SVOP: variants seen among roughly 807,000 people sequenced by gnomAD.
SVOP encodes synaptic vesicle 2-related protein.
Under a neutral mutation model 69.1 loss-of-function variants are expected in SVOP, and 17 were observed. The observed-to-expected ratio is 0.25, with a 90% CI of 0.17 to 0.37. The LOEUF is 0.37. SVOP is among the 10% of genes least tolerant of loss of function. The pLI, the probability that SVOP is intolerant of heterozygous loss-of-function variation, is 1.00. For synonymous variants in SVOP, 238 were observed against 238.6 expected (o/e 1.00, Z 0.02); for missense variants, 435 against 597.5 (o/e 0.73, Z 2.84).
intron 6 of SVOP, among the ~76,000 whole-genome samples, chr12:108,960,014 A>T (rs1423653330): frequency 6.6e-6 from 1 of 152,208 alleles, no homozygotes; most frequent in East Asian, 1.9e-4. Context: ...TGAGAGATTA[A>T]AGGAGATCAT....
At chr12:108,993,390 A>AG (rs2040214102) in intron 1 of SVOP, among the ~76,000 whole-genome samples, 1 of 151,330 alleles carries the variant, frequency 6.6e-6, no homozygotes, top group Admixed American at 6.6e-5. Context: ...AAAAAAAAAA[A>AG]AAAGAAAAGA....
chr12:108,971,190 A>G (rs1443689598), intron 5 of SVOP, among the ~76,000 whole-genome samples: 2 of 152,116 alleles, frequency 1.3e-5, no homozygotes, highest in Non-Finnish European at 1.5e-5. Flanking sequence ...GCACTTTGGG[A>G]GGCCATGGCC....
At chr12:108,931,599 C>T (rs553431116) in intron 11 of SVOP, among the ~76,000 whole-genome samples, 105 of 152,056 alleles carry the variant, frequency 6.9e-4, no homozygotes, top group Non-Finnish European at 1.0e-3. Flanking sequence ...CTCGGGAGGC[C>T]GAGGTGGGTG....
At chr12:108,985,002 G>C (rs1378399114) in intron 1 of SVOP, among the ~76,000 whole-genome samples, 1 of 152,180 alleles carries the variant, frequency 6.6e-6, no homozygotes, top group Non-Finnish European at 1.5e-5. Context: ...TGAGGAGGGA[G>C]GATTGCTTGG....
intron 2 of SVOP, among the ~76,000 whole-genome samples, chr12:108,982,803 CCATCAT>C (rs1302441449): frequency 7.8e-6 from 1 of 128,062 alleles, no homozygotes; most frequent in Non-Finnish European, 1.7e-5. Context: ...ATCATCATCA[CCATCAT>C]CATCATCACC....
At chr12:109,016,362 G>T (rs2040367487) in intron 1 of SVOP, among the ~76,000 whole-genome samples, 1 of 152,138 alleles carries the variant, frequency 6.6e-6, no homozygotes, top group Non-Finnish European at 1.5e-5. Context: ...TATTAAAATG[G>T]TGGACCCAAA....
At chr12:108,983,425 A>T (rs2040152761) in intron 2 of SVOP, among the ~76,000 whole-genome samples, 176 bp downstream of exon 2, 1 of 152,180 alleles carries the variant, frequency 6.6e-6, no homozygotes, top group African/African-American at 2.4e-5. Flanking sequence ...AGGGATTGTG[A>T]TGTAACCTTG....
At chr12:108,995,989 CACAT>C (rs747679213) in intron 1 of SVOP, among the ~76,000 whole-genome samples, 69 of 151,820 alleles carry the variant, frequency 4.5e-4, no homozygotes, top group Middle Eastern at 3.4e-3. Flanking sequence ...TACATACACA[CACAT>C]ACATACATAC....
rs944503878 is a variant in SVOP, at chr12:108,937,295, T to C, written c.940A>G (p.Arg314Gly). Reference sequence around the variant, plus strand: ...AACCACAGCAGCAAAGTTGTCCATCTAAAATGGGGTGTGAAAAGGTCCCTC... The same window carrying C: ...AACCACAGCAGCAAAGTTGTCCATCCAAAATGGGGTGTGAAAAGGTCCCTC... Reference protein sequence around the residue: ...KMRDLFTPHFRWTTLLLWFIW... With the variant: ...KMRDLFTPHFGWTTLLLWFIW... Residue 314 changes from arginine (R) to glycine (G), a missense_variant, in exon 10 of 16, where the codon AGA (arginine) becomes GGA (glycine). Coordinates refer to ENST00000610966, the MANE Select transcript of SVOP (RefSeq NM_018711.5). The C allele has an allele frequency of 1.2e-6, 2 of 1,614,000 alleles. No individual in the cohort carries two copies. The highest frequency in any genetic ancestry group is 1.7e-6 in the Non-Finnish European group (2 of 1,179,872).
intron 12 of SVOP, 48 bp downstream of exon 12, chr12:108,922,642 T>A (rs1002328453): frequency 7.1e-7 from 1 of 1,416,632 alleles, no homozygotes; most frequent in Non-Finnish European, 9.8e-7. Context: ...ACAATTGCCA[T>A]ATTCCCAGGC....
chr12:108,932,048 T>C (rs764110200), intron 11 of SVOP, among the ~76,000 whole-genome samples: 3 of 152,096 alleles, frequency 2.0e-5, no homozygotes, highest in Non-Finnish European at 2.9e-5. Context: ...AGAGTCTCGC[T>C]CTCACCCAGG....
At chr12:109,014,392 A>G (rs906335328) in intron 1 of SVOP, among the ~76,000 whole-genome samples, 2 of 152,204 alleles carry the variant, frequency 1.3e-5, no homozygotes, top group Non-Finnish European at 2.9e-5. Context: ...AAAATTGCTA[A>G]GAGAAGAGAT....
At chr12:109,005,959 G>A (rs1161300891) in intron 1 of SVOP, among the ~76,000 whole-genome samples, 3 of 152,206 alleles carry the variant, frequency 2.0e-5, no homozygotes, top group Non-Finnish European at 4.4e-5. Context: ...AGCAGCAAGA[G>A]GGTGGAAGAT....
At chr12:108,968,580 CA>C (rs1243258301) in intron 5 of SVOP, among the ~76,000 whole-genome samples, 1 of 152,082 alleles carries the variant, frequency 6.6e-6, no homozygotes, top group African/African-American at 2.4e-5. Flanking sequence ...TTTAGCCATG[CA>C]GTGTCAGATT....
At chr12:108,917,366 A>G (rs886290665) in intron 14 of SVOP, among the ~76,000 whole-genome samples, 22 of 152,206 alleles carry the variant, frequency 1.4e-4, no homozygotes, top group Non-Finnish European at 1.5e-5. Context: ...ACTCAATTAC[A>G]TAAACAATAT....
chr12:108,996,009 T>TAC (rs148548353), intron 1 of SVOP, among the ~76,000 whole-genome samples: 14 of 151,516 alleles, frequency 9.2e-5, no homozygotes, highest in Admixed American at 7.9e-4. Context: ...CATACATACA[T>TAC]ACACACACAC....
At chr12:108,932,182 A>T (rs1304969886) in intron 11 of SVOP, among the ~76,000 whole-genome samples, 1 of 151,790 alleles carries the variant, frequency 6.6e-6, no homozygotes, top group Non-Finnish European at 1.5e-5. Context: ...TGCCCAGCTA[A>T]TTTTTTAAAT....
chr12:109,012,379 C>G (rs1381966722), intron 1 of SVOP, among the ~76,000 whole-genome samples: 1 of 151,818 alleles, frequency 6.6e-6, no homozygotes, highest in Non-Finnish European at 1.5e-5. Flanking sequence ...GTATTGTATA[C>G]TTGAAAATTG....
chr12:108,979,421 T>G (rs918153256), intron 2 of SVOP, among the ~76,000 whole-genome samples: 1 of 152,034 alleles, frequency 6.6e-6, no homozygotes, highest in African/African-American at 2.4e-5. Flanking sequence ...TTTCTATTTT[T>G]TGTAGAGATG....
Sources: allele counts gnomAD v4.1 joint callset (sites outside exome capture counted in the v4.1 genomes callset), GRCh38; gene constraint gnomAD v4.1.1; transcripts MANE v1.5; gene names NCBI Gene and HGNC (gene_info 2026-07-23, HGNC 2026-07-21).